Variants in FBXO9 observed in about 807,000 individuals in gnomAD.
FBXO9 encodes F-box only protein 9.
Under a neutral mutation model 63.7 loss-of-function variants are expected in FBXO9, and 43 were observed. The observed-to-expected ratio is 0.67, with a 90% CI of 0.53 to 0.87. FBXO9 has a LOEUF of 0.87. Ranked by LOEUF, FBXO9 falls within the 40% of genes least tolerant of loss-of-function variation. FBXO9 has a pLI of 0.00. For missense variants in FBXO9, 442 were observed against 533.2 expected, an observed-to-expected ratio of 0.83 and a Z score of 1.68; for synonymous variants, 156 against 171.7, an observed-to-expected ratio of 0.91 and a Z score of 0.72.
chr6:53,081,803 T>C (rs530057246), intron 6 of FBXO9, among the ~76,000 whole-genome samples: 1 of 152,292 alleles, frequency 6.6e-6, no homozygotes, highest in East Asian at 1.9e-4. Context: ...GCATGGTGGC[T>C]CACGCCTGCA....
chr6:53,070,544 C>T (rs1768877437), intron 1 of FBXO9, among the ~76,000 whole-genome samples: 1 of 151,870 alleles, frequency 6.6e-6, no homozygotes, highest in Admixed American at 6.6e-5. Flanking sequence ...AGCAATACAA[C>T]AATAAAAAAT....
At chr6:53,073,362 C>T (rs1254530720) in intron 2 of FBXO9, 119 bp from the exon 3 acceptor site, 4 of 591,310 alleles carry the variant, frequency 6.8e-6, no homozygotes, top group Non-Finnish European at 1.1e-5. Context: ...ACAGTGATTT[C>T]TGGACTTAGA....
chr6:53,093,424 G>A (rs748160306), intron 9 of FBXO9, 42 bp from the exon 10 acceptor site: 4 of 1,357,538 alleles, frequency 2.9e-6, no homozygotes, highest in Non-Finnish European at 4.2e-6. Context: ...TTTATACTTT[G>A]TGTGGGGGGT....
intron 7 of FBXO9, among the ~76,000 whole-genome samples, chr6:53,085,892 G>A (rs905281258): frequency 6.6e-6 from 1 of 152,098 alleles, no homozygotes; most frequent in African/African-American, 2.4e-5. Context: ...GCTCACGCCT[G>A]TAATCCCAGC....
chr6:53,069,220 C>G (rs368573203), intron 1 of FBXO9, among the ~76,000 whole-genome samples: 1 of 152,154 alleles, frequency 6.6e-6, no homozygotes, highest in African/African-American at 2.4e-5. Flanking sequence ...TAACCTAGAA[C>G]CCAGTGGATT....
intron 5 of FBXO9, among the ~76,000 whole-genome samples, chr6:53,079,812 T>A (rs1396248358): frequency 6.6e-6 from 1 of 152,182 alleles, no homozygotes; most frequent in Non-Finnish European, 1.5e-5. Context: ...CAATGTTTTT[T>A]AACTGCATAT....
rs1581836181 is a variant in FBXO9, at chr6:53,097,904, A to ACG, written c.*74_*75insCG. 2.7e-5 allele frequency: 6 copies of ACG among 219,900 alleles called. 1 individual carries two copies. The highest frequency in any genetic ancestry group is 2.0e-4 in the East Asian group (2 of 9,890). The allele number at this position is 219,900 out of a possible 1,614,324, so 13.6% of individuals were successfully genotyped here. ...GCGCAAAAGAGCACCTAAGTTATAA[A>ACG]TGTGTGTGTGTGCGTGTGTGTGTAT... On this transcript the variant is annotated 3_prime_UTR_variant, in exon 13 of 13. Transcript: ENST00000323557.
intron 7 of FBXO9, chr6:53,091,661 C>A (rs112932619): frequency 2.6e-5 from 4 of 152,362 alleles, no homozygotes; most frequent in African/African-American, 9.7e-5. Context: ...GCCACCATGC[C>A]CAGCCCCTGC....
chr6:53,076,707 T>C (rs568458925), intron 4 of FBXO9, among the ~76,000 whole-genome samples, 164 bp downstream of exon 4: 42 of 152,218 alleles, frequency 2.8e-4, no homozygotes, highest in African/African-American at 9.4e-4. Flanking sequence ...CCTTTGTAGA[T>C]ACCAAAATGC....
chr6:53,093,093 T>C, intron 9 of FBXO9: 1 of 403,750 alleles, frequency 2.5e-6, no homozygotes, highest in Non-Finnish European at 4.4e-6. Context: ...TTCCACCTTA[T>C]TGCTTGCCAA....
intron 11 of FBXO9, among the ~76,000 whole-genome samples, chr6:53,095,224 C>T (rs1763173266): frequency 6.6e-6 from 1 of 152,106 alleles, no homozygotes; most frequent in African/African-American, 2.4e-5. Flanking sequence ...GTAGTTTTAC[C>T]TCCCTGGATC....
Position 53,081,118 on chromosome 6 carries a change from A to C in FBXO9, c.538+20A>C. 1 of 1,595,296 alleles carries C rather than the reference A, an allele frequency of 6.3e-7. No individual in the cohort carries two copies. Among genetic ancestry groups the C allele is most frequent in the Non-Finnish European group, 8.5e-7 (1 of 1,175,274 alleles). On this transcript the variant is annotated intron_variant, in intron 6 of 12. Coordinates refer to ENST00000323557, the MANE Select transcript of FBXO9 (RefSeq NM_033480.3). ...TATCAGGTGTGAATACTTGTTTTTC[A>C]TAACTCAGTGAGAAATATCTTAACC... is the stretch of plus-strand genomic sequence containing the variant.
rs570967517 is a variant in FBXO9, at chr6:53,099,741, CAAAA to C, written c.*1914_*1917del. ...TGGGTGAGAAAGCGAGACCCTGTCT[CAAAA>C]AAGAAAAAAAAGAGAGGTTGGCCTT... On this transcript the variant is annotated 3_prime_UTR_variant, in exon 13 of 13. Coordinates refer to ENST00000323557, the MANE Select transcript of FBXO9 (RefSeq NM_033480.3). The C allele has an allele frequency of 8.6e-5, 13 of 151,426 alleles. No individual in the cohort carries two copies. The highest frequency in any genetic ancestry group is 2.9e-4 in the African/African-American group (12 of 41,258). The allele number at this position is 151,426 out of a possible 1,614,324, so 9.4% of individuals were successfully genotyped here. A position where few individuals can be genotyped will look rare whatever the true frequency, so the allele number is the denominator to read the frequency against.
At chr6:53,091,985 AG>A (rs1454619402) in intron 7 of FBXO9, 1 of 158,866 alleles carries the variant, frequency 6.3e-6, no homozygotes, top group Non-Finnish European at 1.4e-5. Flanking sequence ...GCCTCATCAT[AG>A]TTTCCTCTGC....
At position 53,073,605 on chromosome 6, in the gene FBXO9, C is replaced by A. The variant is rs533226016; in HGVS notation, c.215C>A (p.Thr72Asn). 1 of 1,604,762 alleles carries A rather than the reference C, an allele frequency of 6.2e-7. No individual in the cohort carries two copies. The highest frequency in any genetic ancestry group is 8.5e-7 in the Non-Finnish European group (1 of 1,175,426). Residue 72 changes from threonine (T) to asparagine (N), a missense_variant, in exon 3 of 13, where the codon ACC becomes AAC. Physicochemically the swap from Thr to Asn is moderately conservative, Grantham distance 65 (BLOSUM62 0). Around this residue, in one of 2 missense-constraint regions of FBXO9, gnomAD observed 180 missense variants for 171.1 expected, o/e 1.05. Transcript: ENST00000323557. The stretch of plus-strand genomic sequence containing the variant: ...TCTCTCCAGAAAACATCGGCAGATA[C>A]CAAAGGAAAACAAGAACAGGCAAAA... ...RGSLQKTSAD[T>N]KGKQEQAKEE...
chr6:53,088,139 T>C (rs572032065), intron 7 of FBXO9, among the ~76,000 whole-genome samples: 11 of 152,348 alleles, frequency 7.2e-5, no homozygotes, highest in African/African-American at 2.6e-4. Context: ...TGTCTCCTAC[T>C]TACTGATTTG....
chr6:53,085,398 A>G (rs1769449358), intron 7 of FBXO9, among the ~76,000 whole-genome samples: 1 of 152,134 alleles, frequency 6.6e-6, no homozygotes, highest in African/African-American at 2.4e-5. Context: ...TTTTTAGAGA[A>G]TTCAAAATAA....
intron 7 of FBXO9, among the ~76,000 whole-genome samples, chr6:53,089,474 A>AC (rs1390585286): frequency 2.0e-5 from 3 of 152,214 alleles, no homozygotes. Flanking sequence ...AAAGAGTCAA[A>AC]CCAAATCAAA....
In FBXO9 at chr6:53,065,654, C is replaced by T; in HGVS notation, c.-136C>T. Reference sequence around the variant, plus strand: ...TATTGCCGCTGCCTGGTGCGCTTCTCCGACCGAGAACTCTGCTAAGCTCCG... The same window carrying T: ...TATTGCCGCTGCCTGGTGCGCTTCTTCGACCGAGAACTCTGCTAAGCTCCG... On this transcript the variant is annotated 5_prime_UTR_variant, in exon 1 of 13. Transcript: ENST00000323557. 1 of 1,094,830 alleles carries T rather than the reference C, an allele frequency of 9.1e-7. No individual in the cohort carries two copies. The highest frequency in any genetic ancestry group is 1.2e-6 in the Non-Finnish European group (1 of 841,148). The allele number at this position is 1,094,830 out of a possible 1,614,324, so 67.8% of individuals were successfully genotyped here. A position where few individuals can be genotyped will look rare whatever the true frequency, so the allele number is the denominator to read the frequency against.
Sources: gnomAD v4.1 joint callset for allele counts (sites outside exome capture counted in the v4.1 genomes callset) on GRCh38, gnomAD v4.1.1 for gene constraint, gnomAD v4.1.1 regional missense constraint, MANE v1.5 for transcripts, NCBI Gene and HGNC (gene_info 2026-07-23, HGNC 2026-07-21) for gene names.